SLC25A13: variants seen among roughly 807,000 people sequenced by gnomAD.
SLC25A13 encodes the protein solute carrier family 25 member 13, also known as electrogenic aspartate/glutamate antiporter SLC25A13, mitochondrial.
A neutral mutation model predicts 85.5 loss-of-function variants in SLC25A13; 70 were observed. The observed-to-expected ratio is 0.82, with a 90% CI of 0.68 to 1.00. SLC25A13 has a LOEUF of 1.00. Ranked by LOEUF, SLC25A13 falls within the 50% of genes least tolerant of loss-of-function variation. SLC25A13 has a pLI of 0.00. For synonymous variants in SLC25A13, 259 were observed against 288.7 expected (o/e 0.90, Z 1.04); for missense variants, 765 against 819.8 (o/e 0.93, Z 0.82).
chr7:96,239,061 A>G (rs71529819), intron 3 of SLC25A13, among the ~76,000 whole-genome samples: 67 of 91,288 alleles, frequency 7.3e-4, no homozygotes, highest in South Asian at 9.9e-4. Flanking sequence ...ATATATATAT[A>G]TATATATGTA....
chr7:96,126,009 C>G (rs550160933), intron 15 of SLC25A13, among the ~76,000 whole-genome samples: 2 of 152,240 alleles, frequency 1.3e-5, no homozygotes, highest in South Asian at 4.1e-4. Flanking sequence ...CTTCTGTTCA[C>G]TTACTTTGTT....
chr7:96,215,261 T>C (rs1172831112), intron 4 of SLC25A13, among the ~76,000 whole-genome samples: 3 of 152,240 alleles, frequency 2.0e-5, no homozygotes, highest in Admixed American at 2.0e-4. Context: ...TACACCCAGC[T>C]AATTTTTGTA....
At chr7:96,216,340 C>T (rs1020073976) in intron 4 of SLC25A13, among the ~76,000 whole-genome samples, 1 of 151,984 alleles carries the variant, frequency 6.6e-6, no homozygotes. Context: ...TACAGTGTGG[C>T]AATTCCTCAA....
intron 13 of SLC25A13, among the ~76,000 whole-genome samples, chr7:96,166,551 T>C (rs1271410671): frequency 6.6e-6 from 1 of 152,158 alleles, no homozygotes; most frequent in Admixed American, 6.5e-5. Context: ...GATCAAAAGC[T>C]AAAGATCCCA....
At chr7:96,294,136 T>G (rs1799246132) in intron 2 of SLC25A13, among the ~76,000 whole-genome samples, 1 of 152,128 alleles carries the variant, frequency 6.6e-6, no homozygotes, top group Non-Finnish European at 1.5e-5. Flanking sequence ...TGCAGGGACA[T>G]GGATGAAGCT....
chr7:96,172,015 A>T (rs1794023296), intron 11 of SLC25A13, among the ~76,000 whole-genome samples: 1 of 142,130 alleles, frequency 7.0e-6, no homozygotes, highest in African/African-American at 2.8e-5. Flanking sequence ...TGAAGGTAGG[A>T]GCATGTTGCA....
intron 14 of SLC25A13, among the ~76,000 whole-genome samples, chr7:96,145,198 A>C (rs920400965): frequency 6.6e-6 from 1 of 152,194 alleles, no homozygotes; most frequent in Admixed American, 6.5e-5. Flanking sequence ...CCTAAATATA[A>C]GGCAAAATTT....
chr7:96,147,332 T>C (rs190678098), intron 13 of SLC25A13, among the ~76,000 whole-genome samples: 28 of 152,342 alleles, frequency 1.8e-4, no homozygotes, highest in Non-Finnish European at 3.7e-4. Flanking sequence ...GTGTACAGAA[T>C]TGCTCTTTTC....
At chr7:96,307,152 T>C (rs763311449) in intron 1 of SLC25A13, among the ~76,000 whole-genome samples, 1 of 142,806 alleles carries the variant, frequency 7.0e-6, no homozygotes, top group Non-Finnish European at 1.6e-5. Flanking sequence ...AAAAAAAAAA[T>C]AAAGAAAATT....
chr7:96,234,803 A>C lies in SLC25A13; in HGVS notation c.327T>G (p.Phe109Leu). ...CGTGCACAGAAGCATGCTTCTTACC[A>C]AAAGTTACTTCTCCTTTGCCAGCTT... The part of the protein sequence containing the change: ...FDKAGKGEVT[F>L]EDVKQVFGQT... The change falls in exon 4 of 18, where the codon TTT becomes TTG. Residue 109 changes from phenylalanine (F) to leucine (L), a missense_variant and splice_region_variant. Physicochemically the swap from Phe to Leu is conservative, Grantham distance 22 (BLOSUM62 0). Coordinates refer to ENST00000265631, the MANE Select transcript of SLC25A13 (RefSeq NM_014251.3). The C allele has an allele frequency of 3.1e-6, 5 of 1,612,770 alleles. No homozygotes were observed. Among genetic ancestry groups the C allele is most frequent in the Non-Finnish European group, 4.2e-6 (5 of 1,178,854 alleles).
chr7:96,264,480 T>C (rs756427313), intron 3 of SLC25A13, among the ~76,000 whole-genome samples: 9 of 152,230 alleles, frequency 5.9e-5, no homozygotes, highest in Non-Finnish European at 1.0e-4. Flanking sequence ...CTCTCTACTC[T>C]AGTCTCTATC....
At chr7:96,302,399 C>T (rs192754770) in intron 1 of SLC25A13, among the ~76,000 whole-genome samples, 1 of 152,276 alleles carries the variant, frequency 6.6e-6, no homozygotes, top group East Asian at 1.9e-4. Flanking sequence ...GCCACAGTTG[C>T]AGGCTCATTA....
intron 14 of SLC25A13, among the ~76,000 whole-genome samples, chr7:96,137,469 T>C (rs1240508060): frequency 6.6e-6 from 1 of 152,172 alleles, no homozygotes; most frequent in African/African-American, 2.4e-5. Flanking sequence ...TAGTTCTCTA[T>C]TGTTCTAGTA....
intron 4 of SLC25A13, among the ~76,000 whole-genome samples, chr7:96,219,050 T>C (rs2116754177): frequency 6.6e-6 from 1 of 152,278 alleles, no homozygotes; most frequent in East Asian, 1.9e-4. Context: ...TGCTCCAATA[T>C]CAAGGTTGCC....
At position 96,251,330 on chromosome 7, in the gene SLC25A13, C is replaced by T. The variant is rs187991315; in HGVS notation, c.213-16413G>A. 2.6e-4 allele frequency among the ~76,000 whole-genome samples: 40 copies of T among 152,154 alleles called. No individual in the cohort carries two copies. The East Asian group carries it at 7.5e-3, about 29-fold the overall frequency. On this transcript the variant is annotated intron_variant, in intron 3 of 17. Coordinates refer to ENST00000265631, the MANE Select transcript of SLC25A13 (RefSeq NM_014251.3). ...GAGTACCACAAGGCCTTGTTGGCCA[C>T]GAGAAGGGCTTTGGCTTTTACTCTG... is the stretch of plus-strand genomic sequence containing the variant.
Position 96,146,620 on chromosome 7 carries a change from G to A in SLC25A13, c.1388C>T (p.Thr463Ile). 2 of 1,614,064 alleles carry A rather than the reference G, an allele frequency of 1.2e-6. No homozygotes were observed. Among genetic ancestry groups the A allele is most frequent in the South Asian group, 1.1e-5 (1 of 91,078 alleles). The change falls in exon 14 of 18, where the codon ACC (threonine) becomes ATC (isoleucine). Residue 463 changes from threonine to isoleucine, a missense_variant. Physicochemically the swap from Thr to Ile is moderately conservative, Grantham distance 89. Coordinates refer to ENST00000265631, the MANE Select transcript of SLC25A13 (RefSeq NM_014251.3). Reference sequence around the variant, plus strand: ...CAGAGCACTGACTCGAGGACCAGTGGTGATTTCTCCTGCCACTTGCAAACG... The same window carrying A: ...CAGAGCACTGACTCGAGGACCAGTGATGATTTCTCCTGCCACTTGCAAACG... ...KIRLQVAGEI[T>I]TGPRVSALSV...
intron 13 of SLC25A13, among the ~76,000 whole-genome samples, chr7:96,154,630 T>G (rs1053911630): frequency 1.3e-5 from 2 of 151,998 alleles, no homozygotes; most frequent in African/African-American, 4.8e-5. Flanking sequence ...AATGTGCTAC[T>G]TTGCACACAG....
intron 3 of SLC25A13, among the ~76,000 whole-genome samples, chr7:96,252,009 T>G (rs1011738527): frequency 1.3e-5 from 2 of 152,228 alleles, no homozygotes; most frequent in African/African-American, 4.8e-5. Context: ...GAACTACAGT[T>G]GGAAACGTCT....
intron 4 of SLC25A13, among the ~76,000 whole-genome samples, chr7:96,232,426 G>A (rs1216831380): frequency 6.6e-6 from 1 of 151,978 alleles, no homozygotes; most frequent in East Asian, 1.9e-4. Context: ...AGACATTACG[G>A]CCTACCAGAG....
Sources: allele counts gnomAD v4.1 joint callset (sites outside exome capture counted in the v4.1 genomes callset), GRCh38; gene constraint gnomAD v4.1.1; transcripts MANE v1.5; gene names NCBI Gene and HGNC (gene_info 2026-07-23, HGNC 2026-07-21).